The following HSPA13 variants were observed in gnomAD, a reference collection of about 807,000 sequenced individuals.
HSPA13 encodes the protein heat shock 70 kDa protein 13.
Under a neutral mutation model 38.8 loss-of-function variants are expected in HSPA13, and 29 were observed. The ratio of observed to expected loss-of-function variants is 0.75; its 90% confidence interval spans 0.56 to 1.02. The LOEUF is 1.02. Ranked by LOEUF, HSPA13 falls within the 50% of genes least tolerant of loss-of-function variation. HSPA13 has a pLI of 0.00. For missense variants in HSPA13, 451 were observed against 560.9 expected, an observed-to-expected ratio of 0.80 and a Z score of 1.98; for synonymous variants, 192 against 205.3, an observed-to-expected ratio of 0.94 and a Z score of 0.56.
Position 14,372,682 on chromosome 21 carries a change from T to C in HSPA13, c.*935A>G, listed in dbSNP as rs1456968117. ...GTAAAACGGAACCAAAACCATTTAG[T>C]AGCTCAATTCCATGCTATATTCCCC... On this transcript the variant is annotated 3_prime_UTR_variant, in exon 5 of 5. Coordinates refer to ENST00000285667, the MANE Select transcript of HSPA13 (RefSeq NM_006948.5). 2.0e-5 allele frequency: 3 copies of C among 152,192 alleles called. No individual in the cohort carries two copies. The highest frequency in any genetic ancestry group is 4.4e-5 in the Non-Finnish European group (3 of 68,000). The allele number at this position is 152,192 out of a possible 1,614,324, so 9.4% of individuals were successfully genotyped here. A position where few individuals can be genotyped will look rare whatever the true frequency, so the allele number is the denominator to read the frequency against.
chr21:14,382,204 A>C (rs1443824139), intron 1 of HSPA13, among the ~76,000 whole-genome samples: 1 of 152,194 alleles, frequency 6.6e-6, no homozygotes, highest in African/African-American at 2.4e-5. Context: ...GGGGAGAAGA[A>C]GCATAAAGGT....
rs1984005200 is a variant in HSPA13 at position 14,375,749 on chromosome 21, G to A, written c.651C>T (p.Asp217=). 3 of 1,613,876 alleles carry A rather than the reference G, an allele frequency of 1.9e-6. No individual in the cohort carries two copies. The highest frequency in any genetic ancestry group is 2.2e-5 in the East Asian group (1 of 44,890). The change falls in exon 4 of 5, where the codon GAC becomes GAT. Residue 217 remains aspartate, a synonymous_variant. Coordinates refer to ENST00000285667, the MANE Select transcript of HSPA13 (RefSeq NM_006948.5). ...AAMAYGLHKA[D]VFHVLVIDLG... ...AGTCTATCACCAAGACGTGGAAGAC[G>A]TCAGCCTTGTGGAGACCATAGGCCA...
At position 14,373,424 on chromosome 21, in the gene HSPA13, C is replaced by T; in HGVS notation, c.*193G>A. On this transcript the variant is annotated 3_prime_UTR_variant, in exon 5 of 5. Coordinates refer to ENST00000285667, the MANE Select transcript of HSPA13 (RefSeq NM_006948.5). The stretch of plus-strand genomic sequence containing the variant: ...AGTATTTGTTAGAATAGGATCTCTC[C>T]AAAATCAAACAGGATCAATCTGGTC... 1.8e-6 allele frequency: 1 copy of T among 555,884 alleles called. No homozygotes were observed. The highest frequency in any genetic ancestry group is 2.6e-5 in the South Asian group (1 of 38,180). The allele number at this position is 555,884 out of a possible 1,614,324, so 34.4% of individuals were successfully genotyped here.
At chr21:14,383,025 C>T in intron 1 of HSPA13, 70 bp downstream of exon 1, 1 of 1,565,938 alleles carries the variant, frequency 6.4e-7, no homozygotes, top group Non-Finnish European at 8.8e-7. Context: ...AGTCAACCAC[C>T]CCTGCCCACT....
rs1192526004 is a variant in HSPA13 at position 14,372,025 on chromosome 21, GA to G, written c.*1591del. 1.3e-5 allele frequency: 2 copies of G among 152,280 alleles called. No individual in the cohort carries two copies. The highest frequency in any genetic ancestry group is 2.9e-5 in the Non-Finnish European group (2 of 67,904). 9.4% of individuals were successfully genotyped at this position (152,280 alleles called of 1,614,324 possible). A position where few individuals can be genotyped will look rare whatever the true frequency, so the allele number is the denominator to read the frequency against. ...ATATTTTCTATACACAAAAGTATTT[GA>G]TTGAAATTTGTGTTTTAACAGCAAT... On this transcript the variant is annotated 3_prime_UTR_variant, in exon 5 of 5. Transcript: ENST00000285667.
intron 1 of HSPA13, 125 bp downstream of exon 1, chr21:14,382,970 C>G: frequency 8.4e-7 from 1 of 1,185,348 alleles, no homozygotes; most frequent in South Asian, 1.2e-5. Flanking sequence ...CTCTAAGTCA[C>G]CTTTCTGACT....
At chr21:14,379,162 A>C (rs1395408002) in intron 2 of HSPA13, among the ~76,000 whole-genome samples, 1 of 150,374 alleles carries the variant, frequency 6.7e-6, no homozygotes, top group Non-Finnish European at 1.5e-5. Context: ...TAATTTTAGT[A>C]CATCATTATG....
intron 3 of HSPA13, among the ~76,000 whole-genome samples, chr21:14,376,955 T>C (rs772883049): frequency 8.5e-5 from 13 of 152,222 alleles, no homozygotes; most frequent in Non-Finnish European, 1.2e-4. Flanking sequence ...CTTTCTGATA[T>C]ACATTGTATC....
chr21:14,373,006 C>T lies in HSPA13; in HGVS notation c.*611G>A, dbSNP rs1475305858. ...AAATAAAATAAATTCATCTATTAAA[C>T]ACATAAAACTCCTGGAGAATGCAGA... On this transcript the variant is annotated 3_prime_UTR_variant, in exon 5 of 5. Coordinates refer to ENST00000285667, the MANE Select transcript of HSPA13 (RefSeq NM_006948.5). 1 of 152,148 alleles carries T rather than the reference C, an allele frequency of 6.6e-6. No individual in the cohort carries two copies. The highest frequency in any genetic ancestry group is 1.5e-5 in the Non-Finnish European group (1 of 68,034). 9.4% of individuals were successfully genotyped at this position (152,148 alleles called of 1,614,324 possible).
In HSPA13 at chr21:14,373,573, A is replaced by T. The variant is rs772093073; in HGVS notation, c.*44T>A. 6 of 1,442,710 alleles carry T rather than the reference A, an allele frequency of 4.2e-6. No individual in the cohort carries two copies. Among genetic ancestry groups the T allele is most frequent in the Non-Finnish European group, 5.7e-6 (6 of 1,053,322 alleles). The allele number at this position is 1,442,710 out of a possible 1,614,324, so 89.4% of individuals were successfully genotyped here. On this transcript the variant is annotated 3_prime_UTR_variant, in exon 5 of 5. Coordinates refer to ENST00000285667, the MANE Select transcript of HSPA13 (RefSeq NM_006948.5). ...AAAAGGTAATCTGATAAATGGGAAG[A>T]GATCATCAGACAAGTTCACAAATAA...
chr21:14,374,375 G>T, intron 4 of HSPA13, 91 bp from the exon 5 acceptor site: 1 of 893,968 alleles, frequency 1.1e-6, no homozygotes, highest in Admixed American at 2.7e-5. Context: ...ATTATATTCT[G>T]GGAATAACAA....
chr21:14,374,328 T>G (rs773108468), intron 4 of HSPA13, 44 bp from the exon 5 acceptor site: 1 of 1,390,516 alleles, frequency 7.2e-7, no homozygotes, highest in Admixed American at 1.8e-5. Flanking sequence ...CATATATGTG[T>G]GTATGTATAC....
chr21:14,375,175 C>G (rs1375309019), intron 4 of HSPA13, among the ~76,000 whole-genome samples: 1 of 152,114 alleles, frequency 6.6e-6, no homozygotes, highest in Non-Finnish European at 1.5e-5. Flanking sequence ...ATGAAATATA[C>G]TGATCACCCT....
rs1294865338 is a variant in HSPA13, at chr21:14,381,660, CA to C, written c.26-118del. The C allele has an allele frequency of 9.7e-6, 9 of 928,658 alleles. No homozygotes were observed. The African/African-American group carries it at 1.3e-4, about 14-fold the overall frequency. 57.5% of individuals were successfully genotyped at this position (928,658 alleles called of 1,614,324 possible). A position where few individuals can be genotyped will look rare whatever the true frequency, so the allele number is the denominator to read the frequency against. ...AAACAAGGCTAAAAAAGACAAATTT[CA>C]AAATTTTTTATAGGACTGCTGATAG... On this transcript the variant is annotated intron_variant, in intron 1 of 4. Transcript: ENST00000285667.
At chr21:14,374,397 A>G (rs2123522363) in intron 4 of HSPA13, 113 bp from the exon 5 acceptor site, 1 of 757,226 alleles carries the variant, frequency 1.3e-6, no homozygotes. Flanking sequence ...TCCCTGTTTC[A>G]TGTATCATTA....
chr21:14,379,894 T>C (rs963494598), intron 2 of HSPA13, among the ~76,000 whole-genome samples: 6 of 151,954 alleles, frequency 3.9e-5, no homozygotes, highest in Non-Finnish European at 5.9e-5. Flanking sequence ...CACACGCCTG[T>C]AATGCCAGCT....
At chr21:14,379,703 C>A (rs1437053202) in intron 2 of HSPA13, among the ~76,000 whole-genome samples, 1 of 151,962 alleles carries the variant, frequency 6.6e-6, no homozygotes, top group Non-Finnish European at 1.5e-5. Flanking sequence ...AGTAATAAAC[C>A]TAAGAAATGC....
chr21:14,379,845 G>A (rs62229677), intron 2 of HSPA13, among the ~76,000 whole-genome samples: 15,408 of 151,776 alleles, frequency 0.1, 1,052 homozygotes, highest in Non-Finnish European at 0.14. Context: ...GTGAAATCCC[G>A]TCTCTACTAA....
At chr21:14,377,740 T>C (rs1432762940) in intron 3 of HSPA13, among the ~76,000 whole-genome samples, 2 of 152,234 alleles carry the variant, frequency 1.3e-5, no homozygotes, top group African/African-American at 4.8e-5. Context: ...AGGATTAGAC[T>C]GCCTGAGTCT....
Sources: allele counts gnomAD v4.1 joint callset (sites outside exome capture counted in the v4.1 genomes callset), GRCh38; gene constraint gnomAD v4.1.1; transcripts MANE v1.5; gene names NCBI Gene and HGNC (gene_info 2026-07-23, HGNC 2026-07-21).